TLL1: variants seen among roughly 807,000 people sequenced by gnomAD.
TLL1 encodes the protein tolloid-like protein 1.
TLL1 carries 49 observed loss-of-function variants against 128.2 expected under a neutral mutation model. The ratio of observed to expected loss-of-function variants is 0.38; its 90% CI spans 0.30 to 0.48. TLL1 has a LOEUF of 0.48. Among genes scored for constraint, TLL1 ranks in the 20% least tolerant of loss-of-function variants. The pLI, the probability that TLL1 is intolerant of heterozygous loss-of-function variation, is 0.96. For synonymous variants in TLL1, 454 were observed against 418.8 expected (o/e 1.08, Z -1.03); for missense variants, 1,123 against 1,242.0 (o/e 0.90, Z 1.44).
At chr4:166,083,812 G>A (rs1208991248) in intron 18 of TLL1, among the ~76,000 whole-genome samples, 2 of 152,082 alleles carry the variant, frequency 1.3e-5, no homozygotes, top group Admixed American at 6.6e-5. Context: ...GGTTCATTCC[G>A]TATCTTGGCT....
intron 1 of TLL1, among the ~76,000 whole-genome samples, chr4:165,920,720 A>C (rs563385136): frequency 6.6e-6 from 1 of 152,282 alleles, no homozygotes; most frequent in Non-Finnish European, 1.5e-5. Flanking sequence ...TATCTTTTCA[A>C]ATATTCTTTT....
At chr4:166,089,732 T>C (rs769016302) in intron 18 of TLL1, among the ~76,000 whole-genome samples, 11 of 152,150 alleles carry the variant, frequency 7.2e-5, no homozygotes, top group Non-Finnish European at 1.5e-4. Context: ...CCATAATGAT[T>C]ATAACAAACA....
Position 166,065,727 on chromosome 4 carries a change from T to C in TLL1, c.2052T>C (p.Ser684=), listed in dbSNP as rs199752051. The change falls in exon 16 of 21, where the codon TCT becomes TCC. Residue 684 remains serine, a synonymous_variant. Coordinates refer to ENST00000061240, the MANE Select transcript of TLL1 (RefSeq NM_012464.5). ...TGGAGATCTGGAGTGGTCTTTCCTC[T>C]GAGTCTAAACTGCATGGCAAATTCT... is the stretch of plus-strand genomic sequence containing the variant. The part of the protein sequence containing the change: ...DYVEIWSGLS[S]ESKLHGKFCG... 6.2e-7 allele frequency: 1 copy of C among 1,610,834 alleles called. No homozygotes were observed. Among genetic ancestry groups the C allele is most frequent in the Non-Finnish European group, 8.5e-7 (1 of 1,178,482 alleles).
In TLL1 at chr4:165,979,734, G is replaced by A. The variant is rs369771271; in HGVS notation, c.170-9647G>A. On this transcript the variant is annotated intron_variant, in intron 1 of 20. Coordinates refer to ENST00000061240, the MANE Select transcript of TLL1 (RefSeq NM_012464.5). ...GCCCAAGGAATTTGAGGCTTTCAGTGAGCTATGATTGCATTGTTGCACTCA... is the reference window on the plus strand; with the variant it reads ...GCCCAAGGAATTTGAGGCTTTCAGTAAGCTATGATTGCATTGTTGCACTCA... Among the ~76,000 whole-genome samples, 21 of 152,218 alleles carry A rather than the reference G, an allele frequency of 1.4e-4. No homozygotes were observed. The East Asian group carries it at 3.3e-3, about 24-fold the overall frequency.
intron 5 of TLL1, among the ~76,000 whole-genome samples, chr4:165,996,289 G>A (rs889916184): frequency 3.9e-5 from 6 of 152,018 alleles, no homozygotes; most frequent in Admixed American, 6.6e-5. Flanking sequence ...ACACGTAGGC[G>A]ATCAAGAAAG....
chr4:165,989,321 T>C, intron 1 of TLL1, 60 bp from the exon 2 acceptor site: 4 of 1,214,394 alleles, frequency 3.3e-6, no homozygotes, highest in Non-Finnish European at 3.6e-6. Context: ...TCTAATTAGC[T>C]TTGTGTGTAT....
At chr4:165,903,604 G>T (rs1223255276) in intron 1 of TLL1, among the ~76,000 whole-genome samples, 1 of 151,210 alleles carries the variant, frequency 6.6e-6, no homozygotes, top group African/African-American at 2.4e-5. Flanking sequence ...GTAGAGACGG[G>T]GTTTCACCAT....
At chr4:166,008,153 C>T (rs1737524210) in intron 7 of TLL1, 105 bp downstream of exon 7, 2 of 778,268 alleles carry the variant, frequency 2.6e-6, no homozygotes, top group East Asian at 5.4e-5. Flanking sequence ...TCAAATATTG[C>T]TACCTCACTG....
At chr4:165,943,323 C>T (rs1211612694) in intron 1 of TLL1, among the ~76,000 whole-genome samples, 1 of 152,012 alleles carries the variant, frequency 6.6e-6, no homozygotes, top group Non-Finnish European at 1.5e-5. Flanking sequence ...AAACTCTCTT[C>T]ATTATTTGTA....
At chr4:165,916,038 T>G (rs1474279600) in intron 1 of TLL1, among the ~76,000 whole-genome samples, 1 of 152,226 alleles carries the variant, frequency 6.6e-6, no homozygotes, top group African/African-American at 2.4e-5. Flanking sequence ...AAGTTGGCCT[T>G]GTTTCATGTT....
intron 15 of TLL1, 21 bp from the exon 16 acceptor site, chr4:166,065,662 G>A (rs777546084): frequency 6.2e-7 from 1 of 1,612,188 alleles, no homozygotes; most frequent in South Asian, 1.1e-5. Context: ...TCTGGCAACT[G>A]ATAACCACAT....
At chr4:165,929,746 T>C (rs1203569340) in intron 1 of TLL1, among the ~76,000 whole-genome samples, 1 of 152,202 alleles carries the variant, frequency 6.6e-6, no homozygotes, top group Non-Finnish European at 1.5e-5. Flanking sequence ...AGATAACTTT[T>C]TGTGACACAT....
chr4:165,962,887 C>T (rs1179657331), intron 1 of TLL1, among the ~76,000 whole-genome samples: 1 of 151,500 alleles, frequency 6.6e-6, no homozygotes, highest in East Asian at 2.0e-4. Flanking sequence ...GAAACCATGT[C>T]TCCCTAAAAG....
intron 8 of TLL1, 29 bp downstream of exon 8, chr4:166,014,589 G>T: frequency 6.2e-7 from 1 of 1,609,362 alleles, no homozygotes; most frequent in South Asian, 1.1e-5. Flanking sequence ...ACAAGAGCAT[G>T]ACTGTACTTG....
chr4:166,044,251 A>G, intron 12 of TLL1: 1 of 744,826 alleles, frequency 1.3e-6, no homozygotes, highest in African/African-American at 1.8e-5. Context: ...CTAATTCACT[A>G]AGTGATCAGA....
intron 12 of TLL1, among the ~76,000 whole-genome samples, chr4:166,045,988 C>T (rs1421517577): frequency 6.6e-6 from 1 of 152,150 alleles, no homozygotes; most frequent in African/African-American, 2.4e-5. Flanking sequence ...AGAATTTATG[C>T]TGCATATCTC....
chr4:165,902,845 A>C (rs1407445699), intron 1 of TLL1, among the ~76,000 whole-genome samples: 1 of 152,232 alleles, frequency 6.6e-6, no homozygotes, highest in Non-Finnish European at 1.5e-5. Context: ...CATTAATTCA[A>C]AATGAATCAG....
intron 19 of TLL1, among the ~76,000 whole-genome samples, chr4:166,094,466 TCC>T (rs1202718288): frequency 1.3e-5 from 2 of 151,478 alleles, no homozygotes; most frequent in East Asian, 1.9e-4. Context: ...TCATTTTATT[TCC>T]CTGTTTCATT....
At chr4:165,966,191 A>C (rs2110969200) in intron 1 of TLL1, among the ~76,000 whole-genome samples, 1 of 151,956 alleles carries the variant, frequency 6.6e-6, no homozygotes, top group Admixed American at 6.6e-5. Flanking sequence ...AAAAAAAAAA[A>C]AAAAAGAAGG....
Sources: allele counts gnomAD v4.1 joint callset (sites outside exome capture counted in the v4.1 genomes callset), GRCh38; gene constraint gnomAD v4.1.1; transcripts MANE v1.5; gene names NCBI Gene and HGNC (gene_info 2026-07-23, HGNC 2026-07-21).